TRABD2B: variants seen among roughly 807,000 people sequenced by gnomAD.
The protein encoded by TRABD2B is TraB domain containing 2B.
A neutral mutation model predicts 40.1 loss-of-function variants in TRABD2B; 14 were observed. The ratio of observed to expected loss-of-function variants is 0.35; its 90% CI spans 0.23 to 0.55. The LOEUF is 0.55. Ranked by LOEUF, TRABD2B falls within the 20% of genes least tolerant of loss-of-function variation. The pLI, the probability that TRABD2B is intolerant of heterozygous loss-of-function variation, is 0.90. For missense variants in TRABD2B, 541 were observed against 648.6 expected, an observed-to-expected ratio of 0.83 and a Z score of 1.80; for synonymous variants, 263 against 277.0, an observed-to-expected ratio of 0.95 and a Z score of 0.50.
intron 2 of TRABD2B, among the ~76,000 whole-genome samples, chr1:47,824,904 T>C (rs6670752): frequency 1 from 152,322 of 152,334 alleles, 76,155 homozygotes; most frequent in Non-Finnish European, 1. Flanking sequence ...AACATATGCA[T>C]ATTCACACGG....
At chr1:47,884,804 C>T (rs1356638218) in intron 2 of TRABD2B, among the ~76,000 whole-genome samples, 1 of 151,848 alleles carries the variant, frequency 6.6e-6, no homozygotes, top group Non-Finnish European at 1.5e-5. Flanking sequence ...TTAGTAGAGA[C>T]GGGGTTTCAC....
chr1:47,941,760 G>A (rs1196191174), intron 2 of TRABD2B, among the ~76,000 whole-genome samples: 2 of 152,234 alleles, frequency 1.3e-5, no homozygotes, highest in Non-Finnish European at 2.9e-5. Flanking sequence ...AGCCACTTGG[G>A]TTTGAGTCCC....
intron 2 of TRABD2B, among the ~76,000 whole-genome samples, chr1:47,925,698 A>G (rs2124748141): frequency 6.6e-6 from 1 of 152,364 alleles, no homozygotes; most frequent in East Asian, 1.9e-4. Flanking sequence ...TCAGAGTTCA[A>G]GAGATGGAGC....
chr1:47,836,417 T>C (rs1010636953), intron 2 of TRABD2B, among the ~76,000 whole-genome samples: 1 of 152,244 alleles, frequency 6.6e-6, no homozygotes, highest in African/African-American at 2.4e-5. Flanking sequence ...CTGTGTGGCT[T>C]GGGGCAATCA....
chr1:47,955,870 C>T (rs6665135), intron 2 of TRABD2B, among the ~76,000 whole-genome samples: 30,370 of 152,108 alleles, frequency 0.2, 3,420 homozygotes, highest in Admixed American at 0.26. Context: ...GATAGTCTGG[C>T]TACCACAGAT....
rs1645929986 is a variant in TRABD2B at position 47,987,092 on chromosome 1, C to T, written c.666+6942G>A. Among the ~76,000 whole-genome samples, 4 of 152,172 alleles carry T rather than the reference C, an allele frequency of 2.6e-5. No homozygotes were observed. The South Asian group carries it at 6.2e-4, about 24-fold the overall frequency. On this transcript the variant is annotated intron_variant, in intron 2 of 6. Coordinates refer to ENST00000606738, the MANE Select transcript of TRABD2B (RefSeq NM_001194986.2). Reference sequence around the variant, plus strand: ...GCGACCTCTTCTTGGCTTTGAGAGACGTCCAAATGGGAACTATTAACAAAG... The same window carrying T: ...GCGACCTCTTCTTGGCTTTGAGAGATGTCCAAATGGGAACTATTAACAAAG...
intron 2 of TRABD2B, among the ~76,000 whole-genome samples, chr1:47,882,673 G>A (rs1381529229): frequency 6.6e-6 from 1 of 152,166 alleles, no homozygotes; most frequent in Non-Finnish European, 1.5e-5. Context: ...CTGGGTTTCA[G>A]TCCTGGCCTT....
intron 2 of TRABD2B, among the ~76,000 whole-genome samples, chr1:47,946,361 A>T (rs1449795865): frequency 6.6e-6 from 1 of 152,094 alleles, no homozygotes; most frequent in African/African-American, 2.4e-5. Flanking sequence ...ATTATATATG[A>T]TATTGCTTGT....
intron 2 of TRABD2B, among the ~76,000 whole-genome samples, chr1:47,985,495 C>T (rs1341755023): frequency 1.3e-5 from 2 of 152,202 alleles, no homozygotes; most frequent in Non-Finnish European, 2.9e-5. Context: ...AGGAAACCAC[C>T]TTGTCTAAGT....
intron 3 of TRABD2B, among the ~76,000 whole-genome samples, chr1:47,798,391 G>T (rs529287893): frequency 1.5e-3 from 228 of 152,340 alleles, no homozygotes; most frequent in South Asian, 5.0e-3. Context: ...CAGTCTTGAG[G>T]CTCAGGCCAG....
At position 47,994,208 on chromosome 1, in the gene TRABD2B, G is replaced by C. The variant is rs746839244; in HGVS notation, c.492C>G (p.Val164=). 110 of 1,545,794 alleles carry C rather than the reference G, an allele frequency of 7.1e-5. 2 individuals carry two copies. In the South Asian group the frequency reaches 1.3e-3, roughly 18 times the overall value. ...IAGNWERKRP[V]WVMLMVNSLT... Reference sequence around the variant, plus strand: ...GCGAGTTTACCATGAGCATCACCCAGACGGGCCTCTTGCGCTCCCAGTTGC... The same window carrying C: ...GCGAGTTTACCATGAGCATCACCCACACGGGCCTCTTGCGCTCCCAGTTGC... Residue 164 remains valine (V), a synonymous_variant, in exon 2 of 7, where the codon GTC becomes GTG. Coordinates refer to ENST00000606738, the MANE Select transcript of TRABD2B (RefSeq NM_001194986.2). The surrounding 1 kb of genome is among the most constrained non-coding windows in gnomAD (Gnocchi z 6.7).
At chr1:47,849,874 C>A (rs773340934) in intron 2 of TRABD2B, among the ~76,000 whole-genome samples, 3 of 152,210 alleles carry the variant, frequency 2.0e-5, no homozygotes, top group Non-Finnish European at 4.4e-5. Flanking sequence ...CCCACTGCAG[C>A]CCAAAGTAGA....
rs537391321 is a variant in TRABD2B, at chr1:47,952,460, A to G, written c.666+41574T>C. 4.1e-4 allele frequency among the ~76,000 whole-genome samples: 63 copies of G among 152,264 alleles called. 1 individual carries two copies. The highest frequency in any genetic ancestry group is 7.6e-4 in the Non-Finnish European group (52 of 68,022). On this transcript the variant is annotated intron_variant, in intron 2 of 6. Coordinates refer to ENST00000606738, the MANE Select transcript of TRABD2B (RefSeq NM_001194986.2). ...GGCAGCCAAGCCCACAATGGCCACA[A>G]ACAGAAGAATGCCAGGCTACTTCAG...
At chr1:47,949,463 A>T (rs1239144797) in intron 2 of TRABD2B, among the ~76,000 whole-genome samples, 1 of 130,590 alleles carries the variant, frequency 7.7e-6, no homozygotes, top group African/African-American at 2.9e-5. Context: ...ACTGGAGTGC[A>T]GTGGTGCGAT....
At chr1:47,848,827 C>A (rs1645507490) in intron 2 of TRABD2B, among the ~76,000 whole-genome samples, 1 of 152,166 alleles carries the variant, frequency 6.6e-6, no homozygotes, top group Admixed American at 6.5e-5. Context: ...AATCCTTGAC[C>A]ATGTGTCCCC....
intron 2 of TRABD2B, among the ~76,000 whole-genome samples, chr1:47,983,384 G>T (rs768281770): frequency 2.2e-4 from 34 of 152,052 alleles, no homozygotes; most frequent in Admixed American, 3.9e-4. Flanking sequence ...ACTGGGTACC[G>T]GGCTTAATAC....
chr1:47,809,150 C>T (rs1478646630), intron 2 of TRABD2B, among the ~76,000 whole-genome samples: 2 of 152,120 alleles, frequency 1.3e-5, no homozygotes, highest in Non-Finnish European at 2.9e-5. Flanking sequence ...CTCCTTCCCT[C>T]AGGAGAACTC....
chr1:47,911,718 TG>T (rs2124707327), intron 2 of TRABD2B, among the ~76,000 whole-genome samples: 1 of 152,352 alleles, frequency 6.6e-6, no homozygotes. Flanking sequence ...ATCCCTGTGT[TG>T]TCTCTATGCT....
chr1:47,876,221 G>A (rs17425308), intron 2 of TRABD2B, among the ~76,000 whole-genome samples: 2,789 of 152,286 alleles, frequency 0.018, 46 homozygotes, highest in Non-Finnish European at 0.027. Flanking sequence ...CTCAAGTGGG[G>A]AGCATAACCC....
Sources: gnomAD v4.1 joint callset for allele counts (sites outside exome capture counted in the v4.1 genomes callset) on GRCh38, gnomAD v4.1.1 for gene constraint, Gnocchi (gnomAD v3.1) non-coding constraint, MANE v1.5 for transcripts, NCBI Gene and HGNC (gene_info 2026-07-23, HGNC 2026-07-21) for gene names.